The following SLC25A21 variants were observed in gnomAD, a reference collection of about 807,000 sequenced individuals.
SLC25A21 encodes mitochondrial 2-oxodicarboxylate carrier.
In SLC25A21, 47 loss-of-function variants were observed where a neutral mutation model predicts 43.8. The observed-to-expected ratio is 1.07, with a 90% CI of 0.85 to 1.37. SLC25A21 has a LOEUF of 1.37. Ranked by LOEUF, SLC25A21 falls within the 40% of genes most tolerant of loss-of-function variation. SLC25A21 has a pLI of 0.00. For missense variants in SLC25A21, 352 were observed against 350.2 expected, an observed-to-expected ratio of 1.00 and a Z score of -0.04; for synonymous variants, 131 against 121.3, an observed-to-expected ratio of 1.08 and a Z score of -0.52.
rs534698862 is a variant in SLC25A21 at position 36,932,854 on chromosome 14, T to C, written c.71-57850A>G. ...GACCATTGGCAAGCTCCTTGACTAT[T>C]TCGTGACTCCATTTCTTTATAAAAT... On this transcript the variant is annotated intron_variant, in intron 1 of 9. Coordinates refer to ENST00000331299, the MANE Select transcript of SLC25A21 (RefSeq NM_030631.4). 3.3e-5 allele frequency among the ~76,000 whole-genome samples: 5 copies of C among 151,990 alleles called. No individual in the cohort carries two copies. The South Asian group carries it at 6.3e-4, about 19-fold the overall frequency.
At chr14:36,723,217 C>T (rs184945004) in intron 6 of SLC25A21, among the ~76,000 whole-genome samples, 2 of 152,292 alleles carry the variant, frequency 1.3e-5, no homozygotes, top group African/African-American at 4.8e-5. Flanking sequence ...TTTTCTCAGA[C>T]ATTTTCTACA....
intron 3 of SLC25A21, among the ~76,000 whole-genome samples, chr14:36,743,109 T>A (rs1257336447): frequency 6.6e-6 from 1 of 152,172 alleles, no homozygotes; most frequent in Non-Finnish European, 1.5e-5. Flanking sequence ...GCACTAAACA[T>A]GTTGCTCAGT....
chr14:36,740,273 C>T (rs888496322), intron 3 of SLC25A21, among the ~76,000 whole-genome samples: 2 of 152,106 alleles, frequency 1.3e-5, no homozygotes, highest in African/African-American at 2.4e-5. Context: ...ACATAAAACC[C>T]CATCCCATTA....
intron 3 of SLC25A21, among the ~76,000 whole-genome samples, chr14:36,786,524 G>C (rs990508406): frequency 3.9e-5 from 6 of 152,146 alleles, no homozygotes; most frequent in Non-Finnish European, 7.3e-5. Flanking sequence ...ATGAATTCCA[G>C]AATATTCCTA....
chr14:37,161,478 T>G (rs897982410), intron 1 of SLC25A21, among the ~76,000 whole-genome samples: 1 of 152,122 alleles, frequency 6.6e-6, no homozygotes, highest in African/African-American at 2.4e-5. Flanking sequence ...ATAGAATGTC[T>G]GTTGTGGGTT....
intron 1 of SLC25A21, among the ~76,000 whole-genome samples, chr14:37,092,561 G>T (rs979771253): frequency 6.6e-6 from 1 of 152,054 alleles, no homozygotes; most frequent in Non-Finnish European, 1.5e-5. Flanking sequence ...ATTTCTTTAG[G>T]GATGAGCCTA....
chr14:36,801,898 G>C (rs1347207247), intron 3 of SLC25A21, among the ~76,000 whole-genome samples: 1 of 152,160 alleles, frequency 6.6e-6, no homozygotes, highest in Non-Finnish European at 1.5e-5. Flanking sequence ...CAGACAGTTT[G>C]TATTTCACTT....
At chr14:36,871,250 G>A (rs1488163701) in intron 2 of SLC25A21, among the ~76,000 whole-genome samples, 2 of 152,062 alleles carry the variant, frequency 1.3e-5, no homozygotes, top group Non-Finnish European at 2.9e-5. Context: ...AGAGACCCTG[G>A]AGTGATGCCT....
At chr14:36,726,326 C>G (rs918777828) in intron 5 of SLC25A21, among the ~76,000 whole-genome samples, 1 of 152,034 alleles carries the variant, frequency 6.6e-6, no homozygotes, top group Non-Finnish European at 1.5e-5. Context: ...CCCAGCTGCT[C>G]GGCAGCTGAA....
intron 1 of SLC25A21, among the ~76,000 whole-genome samples, chr14:36,986,142 A>G (rs149391117): frequency 3.9e-4 from 60 of 152,296 alleles, no homozygotes; most frequent in Non-Finnish European, 5.7e-4. Flanking sequence ...GGCACTCTCA[A>G]TGGACAAAGC....
chr14:37,064,893 C>G (rs760615551), intron 1 of SLC25A21, among the ~76,000 whole-genome samples: 6 of 152,172 alleles, frequency 3.9e-5, no homozygotes, highest in Non-Finnish European at 7.4e-5. Context: ...GAAGGCAGAT[C>G]TGCTTTCATC....
intron 1 of SLC25A21, among the ~76,000 whole-genome samples, chr14:37,056,359 G>A (rs1227561594): frequency 5.3e-5 from 8 of 151,758 alleles, no homozygotes; most frequent in African/African-American, 1.2e-4. Context: ...GCGAGGTGGC[G>A]GGCGCCTGTA....
chr14:36,955,996 C>G (rs2138667901), intron 1 of SLC25A21, among the ~76,000 whole-genome samples: 1 of 152,282 alleles, frequency 6.6e-6, no homozygotes, highest in African/African-American at 2.4e-5. Flanking sequence ...CATCACTGTA[C>G]ATTAATGTTC....
intron 4 of SLC25A21, among the ~76,000 whole-genome samples, chr14:36,733,361 A>G (rs1329272654): frequency 6.6e-6 from 1 of 152,214 alleles, no homozygotes. Flanking sequence ...TCAGATCCTT[A>G]TAACAAAATT....
chr14:36,820,659 A>G (rs114762639), intron 2 of SLC25A21, among the ~76,000 whole-genome samples: 2,097 of 152,258 alleles, frequency 0.014, 56 homozygotes, highest in African/African-American at 0.049. Flanking sequence ...CAGCACACAG[A>G]CTTAATATTT....
intron 1 of SLC25A21, among the ~76,000 whole-genome samples, chr14:36,980,330 CT>C (rs908038697): frequency 6.6e-6 from 1 of 152,166 alleles, no homozygotes; most frequent in Non-Finnish European, 1.5e-5. Context: ...AGATAATATC[CT>C]GAAGAGTGTT....
chr14:36,931,514 GGA>G (rs1892289972), intron 1 of SLC25A21, among the ~76,000 whole-genome samples: 1 of 152,146 alleles, frequency 6.6e-6, no homozygotes, highest in African/African-American at 2.4e-5. Context: ...GGGGTGGTAT[GGA>G]AGGCAGAAGC....
At chr14:36,908,180 A>G (rs1891585876) in intron 1 of SLC25A21, among the ~76,000 whole-genome samples, 1 of 152,178 alleles carries the variant, frequency 6.6e-6, no homozygotes, top group South Asian at 2.1e-4. Flanking sequence ...CCAAATCCAT[A>G]GACTATACCA....
chr14:37,126,949 T>C lies in SLC25A21; in HGVS notation c.70+45332A>G, dbSNP rs1377683939. Among the ~76,000 whole-genome samples the C allele has an allele frequency of 3.3e-5, 5 of 152,196 alleles. No individual in the cohort carries two copies. In the East Asian group the frequency reaches 7.7e-4, roughly 23 times the overall value. On this transcript the variant is annotated intron_variant, in intron 1 of 9. Transcript: ENST00000331299. Reference sequence around the variant, plus strand: ...TTTGGAAAGAGGACTATGGAACTGATCTTATTTGAAAGAAAATAGCCAGGA... The same window carrying C: ...TTTGGAAAGAGGACTATGGAACTGACCTTATTTGAAAGAAAATAGCCAGGA...
Sources: allele counts gnomAD v4.1 joint callset (sites outside exome capture counted in the v4.1 genomes callset), GRCh38; gene constraint gnomAD v4.1.1; transcripts MANE v1.5; gene names NCBI Gene and HGNC (gene_info 2026-07-23, HGNC 2026-07-21).